Variants in SPAG16 observed in about 807,000 individuals in gnomAD.
SPAG16 encodes the protein sperm-associated antigen 16 protein.
A neutral mutation model predicts 80.4 loss-of-function variants in SPAG16; 86 were observed. The ratio of observed to expected loss-of-function variants is 1.07; its 90% CI spans 0.90 to 1.28. The LOEUF (loss-of-function observed/expected upper bound fraction) is 1.28, where lower values mean the gene tolerates loss of function less well. Among genes scored for constraint, SPAG16 ranks in the 50% most tolerant of loss-of-function variants. The pLI, the probability that SPAG16 is intolerant of heterozygous loss-of-function variation, is 0.00. For missense variants in SPAG16, 870 were observed against 765.3 expected (o/e 1.14, Z -1.61); for synonymous variants, 294 against 265.9 (o/e 1.11, Z -1.03).
At chr2:213,368,510 A>C (rs1254128027) in intron 8 of SPAG16, among the ~76,000 whole-genome samples, 1 of 152,224 alleles carries the variant, frequency 6.6e-6, no homozygotes, top group African/African-American at 2.4e-5. Context: ...GGCACAAGAC[A>C]GGGATGCCCT....
At chr2:213,759,790 G>A (rs2662652) in intron 10 of SPAG16, among the ~76,000 whole-genome samples, 63,417 of 152,022 alleles carry the variant, frequency 0.42, 13,618 homozygotes, top group East Asian at 0.55. Flanking sequence ...CAATCCCTGC[G>A]CTTTGGGAGG....
intron 15 of SPAG16, among the ~76,000 whole-genome samples, chr2:214,182,878 C>T (rs951910960): frequency 1.3e-5 from 2 of 151,726 alleles, no homozygotes; most frequent in Admixed American, 6.6e-5. Flanking sequence ...AATAATATGA[C>T]ATACACTTTA....
chr2:213,492,596 T>C (rs577357498), intron 10 of SPAG16, among the ~76,000 whole-genome samples: 1 of 150,546 alleles, frequency 6.6e-6, no homozygotes, highest in African/African-American at 2.4e-5. Flanking sequence ...CCACCCCCTC[T>C]ACAGACATAC....
chr2:214,070,002 T>C (rs2125220764), intron 13 of SPAG16, among the ~76,000 whole-genome samples: 2 of 152,136 alleles, frequency 1.3e-5, no homozygotes, highest in South Asian at 4.1e-4. Context: ...TTTATTTTTA[T>C]ATGTGTTTTG....
chr2:214,401,611 C>T (rs767407700), intron 15 of SPAG16, among the ~76,000 whole-genome samples: 29 of 151,760 alleles, frequency 1.9e-4, no homozygotes, highest in African/African-American at 3.1e-4. Flanking sequence ...TAATGAGAAA[C>T]GTAATGATGT....
At chr2:213,865,189 C>G (rs1216421712) in intron 11 of SPAG16, among the ~76,000 whole-genome samples, 1 of 151,860 alleles carries the variant, frequency 6.6e-6, no homozygotes, top group South Asian at 2.1e-4. Context: ...TTTTTGAGTT[C>G]ATTTATGGTT....
intron 10 of SPAG16, among the ~76,000 whole-genome samples, chr2:213,566,779 G>C (rs1189863798): frequency 6.6e-6 from 1 of 152,124 alleles, no homozygotes; most frequent in Non-Finnish European, 1.5e-5. Context: ...CCCTTTCCCA[G>C]AGCATAAGAC....
intron 10 of SPAG16, among the ~76,000 whole-genome samples, chr2:213,701,822 A>G (rs2125326729): frequency 6.6e-6 from 1 of 152,096 alleles, no homozygotes; most frequent in Non-Finnish European, 1.5e-5. Context: ...AAGGTTTGTA[A>G]ACGTGACAAT....
At chr2:214,013,070 G>T (rs2047397108) in intron 12 of SPAG16, among the ~76,000 whole-genome samples, 1 of 152,002 alleles carries the variant, frequency 6.6e-6, no homozygotes. Context: ...CAGCCCTAAA[G>T]GCATATTATA....
chr2:213,738,282 A>G (rs970825246), intron 10 of SPAG16, among the ~76,000 whole-genome samples: 69 of 152,202 alleles, frequency 4.5e-4, no homozygotes, highest in African/African-American at 1.6e-3. Flanking sequence ...ACTGAACCCT[A>G]CCCTATATAT....
intron 12 of SPAG16, among the ~76,000 whole-genome samples, chr2:213,955,958 ATTATTTAT>A (rs561437715): frequency 1.3e-5 from 2 of 151,290 alleles, no homozygotes; most frequent in African/African-American, 2.4e-5. Flanking sequence ...GTTTTTATTT[ATTATTTAT>A]TTATTTATTT....
intron 12 of SPAG16, among the ~76,000 whole-genome samples, chr2:213,951,332 A>G (rs1575631180): frequency 6.6e-6 from 1 of 152,206 alleles, no homozygotes; most frequent in African/African-American, 2.4e-5. Flanking sequence ...AGAAATGTCA[A>G]TTATAAACTA....
chr2:214,180,212 C>T (rs1302391312), intron 15 of SPAG16, among the ~76,000 whole-genome samples: 1 of 151,504 alleles, frequency 6.6e-6, no homozygotes, highest in African/African-American at 2.4e-5. Flanking sequence ...GTGGTGTATG[C>T]TTGAGTTTAT....
At chr2:213,629,206 T>A (rs192708415) in intron 10 of SPAG16, among the ~76,000 whole-genome samples, 56 of 152,318 alleles carry the variant, frequency 3.7e-4, no homozygotes, top group Non-Finnish European at 6.5e-4. Context: ...GTGACTATTT[T>A]TGACTTGTCC....
chr2:213,618,751 A>T (rs1445050654), intron 10 of SPAG16, among the ~76,000 whole-genome samples: 4 of 151,634 alleles, frequency 2.6e-5, no homozygotes, highest in East Asian at 1.9e-4. Flanking sequence ...AAAAAAATTT[A>T]AAAAAAGGAA....
At chr2:214,359,725 G>A (rs1699055221) in intron 15 of SPAG16, among the ~76,000 whole-genome samples, 1 of 151,776 alleles carries the variant, frequency 6.6e-6, no homozygotes, top group African/African-American at 2.4e-5. Flanking sequence ...GTATCTCAAT[G>A]CCCTATATAT....
chr2:214,250,751 T>TAGAGAGAGAGAGAGAGAG (rs751433547), intron 15 of SPAG16, among the ~76,000 whole-genome samples: 1 of 98,844 alleles, frequency 1.0e-5, no homozygotes, highest in Non-Finnish European at 2.1e-5. Context: ...TATATATATA[T>TAGAGAGAGAGAGAGAGAG]ATATATAGAG....
intron 10 of SPAG16, among the ~76,000 whole-genome samples, chr2:213,754,062 ACT>A (rs1471564827): frequency 1.3e-5 from 2 of 152,038 alleles, no homozygotes; most frequent in African/African-American, 4.8e-5. Flanking sequence ...ATCTATTATA[ACT>A]CTCTGGAATC....
intron 15 of SPAG16, chr2:214,238,856 A>G (rs921727102): frequency 2.6e-5 from 4 of 152,046 alleles, no homozygotes; most frequent in African/African-American, 7.2e-5. Flanking sequence ...GGAATAAAGG[A>G]TATGTGATAT....
Sources: allele counts gnomAD v4.1 joint callset (sites outside exome capture counted in the v4.1 genomes callset), GRCh38; gene constraint gnomAD v4.1.1; transcripts MANE v1.5; gene names NCBI Gene and HGNC (gene_info 2026-07-23, HGNC 2026-07-21).